XIRP2: variants seen among roughly 807,000 people sequenced by gnomAD.
XIRP2 encodes xin actin-binding repeat-containing protein 2.
A neutral mutation model predicts 277.0 loss-of-function variants in XIRP2; 236 were observed. The ratio of observed to expected loss-of-function variants is 0.85; its 90% CI spans 0.77 to 0.95. The LOEUF is 0.95. XIRP2 is among the 40% of genes least tolerant of loss of function. XIRP2 has a pLI of 0.00. For missense variants in XIRP2, 4,640 were observed against 4,157.5 expected (o/e 1.12, Z -3.19); for synonymous variants, 1,490 against 1,416.5 (o/e 1.05, Z -1.17).
Position 167,203,455 on chromosome 2 carries a change from T to C in XIRP2, c.563-7280T>C, listed in dbSNP as rs1022775924. Among the ~76,000 whole-genome samples, 8 of 152,330 alleles carry C rather than the reference T, an allele frequency of 5.3e-5. No homozygotes were observed. The East Asian group carries it at 1.4e-3, about 26-fold the overall frequency. The stretch of plus-strand genomic sequence containing the variant: ...AACAAGTACACATACAATAACACAA[T>C]GCATTTTGGGGGAATAGGATCACAG... On this transcript the variant is annotated intron_variant, in intron 3 of 10. Coordinates refer to ENST00000409195, the MANE Select transcript of XIRP2 (RefSeq NM_152381.6).
chr2:167,227,495 G>C (rs1176076490), intron 5 of XIRP2, among the ~76,000 whole-genome samples: 1 of 152,056 alleles, frequency 6.6e-6, no homozygotes, highest in Non-Finnish European at 1.5e-5. Flanking sequence ...GAGGCCAGGA[G>C]TTAGAGACCA....
intron 3 of XIRP2, among the ~76,000 whole-genome samples, 198 bp downstream of exon 3, chr2:167,136,260 T>A (rs1691548464): frequency 6.6e-6 from 1 of 152,174 alleles, no homozygotes; most frequent in South Asian, 2.1e-4. Flanking sequence ...ATTAGATTTT[T>A]AAAACTAAAT....
chr2:167,074,859 A>C (rs1210402356), intron 2 of XIRP2, among the ~76,000 whole-genome samples: 1 of 152,156 alleles, frequency 6.6e-6, no homozygotes, highest in Non-Finnish European at 1.5e-5. Context: ...TCCTGAGCTC[A>C]GATCATCCAC....
chr2:166,961,395 A>G (rs1686293025), intron 2 of XIRP2, among the ~76,000 whole-genome samples: 1 of 151,728 alleles, frequency 6.6e-6, no homozygotes, highest in South Asian at 2.1e-4. Context: ...GTTGCTTTAA[A>G]TTGTTCTTAA....
intron 2 of XIRP2, among the ~76,000 whole-genome samples, chr2:166,983,555 G>T (rs1574136625): frequency 6.6e-6 from 1 of 152,130 alleles, no homozygotes; most frequent in South Asian, 2.1e-4. Context: ...CTTCTGAAAA[G>T]TGTTCATTTT....
intron 5 of XIRP2, among the ~76,000 whole-genome samples, chr2:167,233,387 T>C (rs921472747): frequency 1.3e-5 from 2 of 151,966 alleles, no homozygotes; most frequent in Non-Finnish European, 2.9e-5. Context: ...GGTATGTCTT[T>C]AACACAGATT....
intron 2 of XIRP2, among the ~76,000 whole-genome samples, chr2:166,952,131 C>A (rs909133348): frequency 2.0e-5 from 3 of 151,972 alleles, no homozygotes; most frequent in Non-Finnish European, 4.4e-5. Flanking sequence ...TACTGTGTAA[C>A]AACCCACCCC....
chr2:166,938,439 AT>A (rs1424860206), intron 2 of XIRP2, among the ~76,000 whole-genome samples: 1 of 152,168 alleles, frequency 6.6e-6, no homozygotes, highest in Non-Finnish European at 1.5e-5. Flanking sequence ...CTCTAGTTTG[AT>A]TGCACTGTGG....
intron 3 of XIRP2, among the ~76,000 whole-genome samples, chr2:167,196,705 T>A (rs1282951648): frequency 6.6e-6 from 1 of 152,010 alleles, no homozygotes; most frequent in Non-Finnish European, 1.5e-5. Flanking sequence ...TTGGCAGGCT[T>A]CCAACTCAAG....
At position 167,243,319 on chromosome 2, in the gene XIRP2, A is replaced by G; in HGVS notation, c.1927A>G (p.Ile643Val). 6.2e-7 allele frequency: 1 copy of G among 1,613,724 alleles called. No homozygotes were observed. The highest frequency in any genetic ancestry group is 1.3e-5 in the African/African-American group (1 of 75,028). The change falls in exon 9 of 11, where the codon ATT (isoleucine) becomes GTT (valine). Residue 643 changes from isoleucine (I) to valine (V), a missense_variant. Coordinates refer to ENST00000409195, the MANE Select transcript of XIRP2 (RefSeq NM_152381.6). ...SSDTVENAEK[I>V]PELARGDVCT... The stretch of plus-strand genomic sequence containing the variant: ...TGACACTGTAGAAAATGCAGAGAAA[A>G]TTCCTGAGCTAGCCAGAGGAGATGT...
chr2:166,948,118 G>A lies in XIRP2; in HGVS notation c.408+44228G>A, dbSNP rs144192033. 5.3e-5 allele frequency among the ~76,000 whole-genome samples: 8 copies of A among 152,148 alleles called. No homozygotes were observed. The East Asian group carries it at 5.8e-4, about 11-fold the overall frequency. ...TTTTAGGGGCAGTAAAATATACTTC[G>A]TATGATAGTATAACGGTGGATTCAT... On this transcript the variant is annotated intron_variant, in intron 2 of 10. Coordinates refer to ENST00000409195, the MANE Select transcript of XIRP2 (RefSeq NM_152381.6).
intron 2 of XIRP2, among the ~76,000 whole-genome samples, chr2:166,917,818 C>T (rs1361313332): frequency 6.6e-6 from 1 of 152,082 alleles, no homozygotes; most frequent in Non-Finnish European, 1.5e-5. Flanking sequence ...GATTCTTTTA[C>T]CCAGCCTATC....
At chr2:166,894,806 T>C (rs1161370609) in intron 1 of XIRP2, among the ~76,000 whole-genome samples, 1 of 152,120 alleles carries the variant, frequency 6.6e-6, no homozygotes, top group Non-Finnish European at 1.5e-5. Context: ...ATTAATAAAA[T>C]AGCTACACAA....
At chr2:166,895,070 C>G (rs1574057521) in intron 1 of XIRP2, among the ~76,000 whole-genome samples, 1 of 152,162 alleles carries the variant, frequency 6.6e-6, no homozygotes, top group South Asian at 2.1e-4. Context: ...ACTAAAAGGA[C>G]ACAGTGATTA....
intron 2 of XIRP2, among the ~76,000 whole-genome samples, chr2:166,925,729 G>A (rs909377214): frequency 2.0e-5 from 3 of 150,822 alleles, no homozygotes; most frequent in Non-Finnish European, 3.0e-5. Flanking sequence ...CAGGGTGATA[G>A]GCACAGGGGC....
chr2:167,241,924 T>C lies in XIRP2; in HGVS notation c.1176+14T>C, dbSNP rs754812407. 3.0e-5 allele frequency: 48 copies of C among 1,606,838 alleles called. No individual in the cohort carries two copies. The highest frequency in any genetic ancestry group is 4.0e-5 in the Non-Finnish European group (47 of 1,177,548). On this transcript the variant is annotated intron_variant, in intron 8 of 10. Coordinates refer to ENST00000409195, the MANE Select transcript of XIRP2 (RefSeq NM_152381.6). ...AAGCAGATTAAGGTAAAGTCATTTC[T>C]TTACACAGAAACATACTAAGTGTAA... is the stretch of plus-strand genomic sequence containing the variant.
chr2:167,096,908 G>A (rs537462642), intron 2 of XIRP2, among the ~76,000 whole-genome samples: 1 of 152,250 alleles, frequency 6.6e-6, no homozygotes, highest in Non-Finnish European at 1.5e-5. Context: ...TGGTCTGAAA[G>A]GCTGTTTGTT....
In XIRP2 at chr2:167,248,571, G is replaced by T. The variant is rs753186138; in HGVS notation, c.7179G>T (p.Met2393Ile). 3.1e-6 allele frequency: 5 copies of T among 1,613,694 alleles called. No homozygotes were observed. The highest frequency in any genetic ancestry group is 4.2e-6 in the Non-Finnish European group (5 of 1,179,806). The change falls in exon 9 of 11, where the codon ATG (methionine) becomes ATT (isoleucine). Residue 2393 changes from methionine (M) to isoleucine (I), a missense_variant. Physicochemically the swap from Met to Ile is conservative, Grantham distance 10 (BLOSUM62 1). Coordinates refer to ENST00000409195, the MANE Select transcript of XIRP2 (RefSeq NM_152381.6). The stretch of plus-strand genomic sequence containing the variant: ...CGGAAAAGCACAGTGGAGACTTCAT[G>T]CAACAATATTCCCAAAAAGAAGCCT... ...SAPEKHSGDF[M>I]QQYSQKEASN...
At chr2:166,951,138 A>C (rs1442760765) in intron 2 of XIRP2, among the ~76,000 whole-genome samples, 2 of 152,112 alleles carry the variant, frequency 1.3e-5, no homozygotes, top group Non-Finnish European at 2.9e-5. Flanking sequence ...CACAGTTTTA[A>C]ACATAAATAT....
Sources: gnomAD v4.1 joint callset for allele counts (sites outside exome capture counted in the v4.1 genomes callset) on GRCh38, gnomAD v4.1.1 for gene constraint, MANE v1.5 for transcripts, NCBI Gene and HGNC (gene_info 2026-07-23, HGNC 2026-07-21) for gene names.